Variants in JAK1 observed in about 807,000 individuals in gnomAD.
The protein encoded by JAK1 is tyrosine-protein kinase JAK1.
Under a neutral mutation model 136.6 loss-of-function variants are expected in JAK1, and 16 were observed. That is an observed-to-expected ratio of 0.12 (90% confidence interval 0.08 to 0.18). The LOEUF (loss-of-function observed/expected upper bound fraction) is 0.18, where lower values mean the gene tolerates loss of function less well. Among genes scored for constraint, JAK1 ranks in the 10% least tolerant of loss-of-function variants. The probability of loss-of-function intolerance (pLI) is 1.00; values close to 1 mark genes in which losing one functional copy is unlikely to be tolerated. For missense variants in JAK1, 859 were observed against 1,450.1 expected (o/e 0.59, Z 6.62); for synonymous variants, 492 against 519.5 (o/e 0.95, Z 0.72).
intron 1 of JAK1, among the ~76,000 whole-genome samples, chr1:64,930,420 T>C (rs1286972178): frequency 1.6e-4 from 24 of 152,116 alleles, no homozygotes; most frequent in Admixed American, 1.4e-3. Context: ...CACTGTTCAT[T>C]AGAGAAACGC....
At chr1:64,918,221 G>A (rs961521836) in intron 1 of JAK1, among the ~76,000 whole-genome samples, 2 of 152,044 alleles carry the variant, frequency 1.3e-5, no homozygotes, top group Non-Finnish European at 2.9e-5. Context: ...TGGATACATA[G>A]GTATTTTTCT....
chr1:64,840,736 G>A (rs1156345009), intron 19 of JAK1, among the ~76,000 whole-genome samples: 1 of 152,110 alleles, frequency 6.6e-6, no homozygotes, highest in Non-Finnish European at 1.5e-5. Context: ...GGAGGCTGAG[G>A]CAGGAAGATT....
rs763612181 is a variant in JAK1 at position 64,879,127 on chromosome 1, T to C, written c.227A>G (p.Asn76Ser). The C allele has an allele frequency of 1.5e-5, 24 of 1,613,476 alleles. No individual in the cohort carries two copies. The highest frequency in any genetic ancestry group is 1.0e-4 in the Admixed American group (6 of 59,946). The stretch of plus-strand genomic sequence containing the variant: ...GTTCTCGTCATACAGGGCAAAGAGG[T>C]TGTGACAAAGAGGAGAGATACCTGA... ...QACRISPLCH[N>S]LFALYDENTK... Residue 76 changes from asparagine (N) to serine (S), a missense_variant, in exon 4 of 25, where the codon AAC (asparagine) becomes AGC (serine). This residue lies in a region of JAK1 where 353 missense variants were observed against 494.0 expected (regional missense o/e 0.71). Coordinates refer to ENST00000342505, the MANE Select transcript of JAK1 (RefSeq NM_002227.4).
chr1:65,045,076 T>C (rs1647172253), intron 1 of JAK1, among the ~76,000 whole-genome samples: 2 of 152,220 alleles, frequency 1.3e-5, no homozygotes, highest in Admixed American at 6.5e-5. Flanking sequence ...GACTGGTGGG[T>C]CCACGGTCCT....
rs1166256993 is a variant in JAK1 at position 64,837,919 on chromosome 1, T to C, written c.3140+13A>G. ...TGAAGCATTGATAAAACCTAGTGGT[T>C]TGATTCAGTTACCAAAACACAGGGC... On this transcript the variant is annotated intron_variant, in intron 22 of 24. Transcript: ENST00000342505. The C allele has an allele frequency of 1.2e-6, 2 of 1,606,220 alleles. No individual in the cohort carries two copies. Among genetic ancestry groups the C allele is most frequent in the African/African-American group, 2.7e-5 (2 of 74,734 alleles).
chr1:65,012,406 CTA>C (rs1233689953), intron 2 of JAK1, among the ~76,000 whole-genome samples: 1 of 151,950 alleles, frequency 6.6e-6, no homozygotes, highest in African/African-American at 2.4e-5. Flanking sequence ...AGTCACCTGA[CTA>C]TGGAAACTGA....
At chr1:64,850,185 T>C (rs310218) in intron 12 of JAK1, among the ~76,000 whole-genome samples, 62,662 of 151,930 alleles carry the variant, frequency 0.41, 14,449 homozygotes, top group African/African-American at 0.63. Flanking sequence ...TGGGGAGCGG[T>C]GGCAGAACAG....
intron 11 of JAK1, among the ~76,000 whole-genome samples, chr1:64,851,436 C>A (rs865856894): frequency 7.9e-5 from 12 of 152,144 alleles, no homozygotes; most frequent in Admixed American, 6.5e-4. Flanking sequence ...TGATGGGAAC[C>A]AGAGGAGGAG....
At chr1:64,904,938 C>T (rs529116043) in intron 1 of JAK1, among the ~76,000 whole-genome samples, 13 of 152,260 alleles carry the variant, frequency 8.5e-5, no homozygotes, top group African/African-American at 3.1e-4. Context: ...TACTACTCAA[C>T]AACCCAAACA....
chr1:64,870,742 G>A (rs973120423), intron 5 of JAK1, among the ~76,000 whole-genome samples: 3 of 152,096 alleles, frequency 2.0e-5, no homozygotes, highest in Non-Finnish European at 4.4e-5. Context: ...CAGATTAATG[G>A]TTTTTGGATG....
At chr1:64,923,544 A>G (rs17397674) in intron 1 of JAK1, among the ~76,000 whole-genome samples, 10,835 of 152,256 alleles carry the variant, frequency 0.071, 504 homozygotes, top group South Asian at 0.11. Flanking sequence ...TGTGGTGACT[A>G]TGTCACAAAT....
chr1:65,011,246 C>T (rs944181305), intron 2 of JAK1, among the ~76,000 whole-genome samples: 1 of 151,954 alleles, frequency 6.6e-6, no homozygotes, highest in East Asian at 1.9e-4. Flanking sequence ...CAGGCCGAGG[C>T]GGGAGGACTG....
At chr1:64,962,047 G>C (rs764033143) in intron 1 of JAK1, among the ~76,000 whole-genome samples, 11 of 152,068 alleles carry the variant, frequency 7.2e-5, no homozygotes, top group South Asian at 2.1e-4. Flanking sequence ...TGCCATGAAG[G>C]GTTCTAGGAA....
intron 2 of JAK1, chr1:64,985,641 C>G (rs1052084159): frequency 5.1e-5 from 39 of 757,676 alleles, no homozygotes; most frequent in Non-Finnish European, 7.1e-5. Context: ...GCCAAAGACA[C>G]CTTGCAGGCC....
At chr1:65,033,759 T>C (rs898430735) in intron 2 of JAK1, among the ~76,000 whole-genome samples, 1 of 148,846 alleles carries the variant, frequency 6.7e-6, no homozygotes, top group South Asian at 2.1e-4. Context: ...CACTTCCGTA[T>C]AGTATGTAGT....
intron 12 of JAK1, among the ~76,000 whole-genome samples, chr1:64,850,384 T>G (rs931321533): frequency 3.3e-5 from 5 of 152,216 alleles, no homozygotes; most frequent in African/African-American, 1.2e-4. Context: ...CCCTGTGTTC[T>G]CTCCTCCTGA....
At chr1:64,835,310 C>G (rs933235303) in intron 24 of JAK1, 86 bp downstream of exon 24, 3 of 652,888 alleles carry the variant, frequency 4.6e-6, no homozygotes, top group Non-Finnish European at 8.0e-6. Context: ...TTTCCTCGCT[C>G]TCCCCTCTAC....
chr1:64,884,677 A>G (rs927142499), intron 2 of JAK1, among the ~76,000 whole-genome samples: 11 of 152,146 alleles, frequency 7.2e-5, no homozygotes, highest in African/African-American at 1.9e-4. Context: ...CTCTATAGGA[A>G]TATCTTTCTA....
At chr1:65,001,178 G>C (rs1185895377) in intron 2 of JAK1, among the ~76,000 whole-genome samples, 1 of 152,234 alleles carries the variant, frequency 6.6e-6, no homozygotes, top group Non-Finnish European at 1.5e-5. Flanking sequence ...CATCATGTTA[G>C]AAAACTTTCA....
Sources: gnomAD v4.1 joint callset for allele counts (sites outside exome capture counted in the v4.1 genomes callset) on GRCh38, gnomAD v4.1.1 for gene constraint, gnomAD v4.1.1 regional missense constraint, MANE v1.5 for transcripts, NCBI Gene and HGNC (gene_info 2026-07-23, HGNC 2026-07-21) for gene names.